Variants in LAMC2 observed in about 807,000 individuals in gnomAD.
The protein encoded by LAMC2 is laminin subunit gamma 2, also known as laminin subunit gamma-2.
LAMC2 carries 97 observed loss-of-function variants against 140.2 expected under a neutral mutation model. The ratio of observed to expected loss-of-function variants is 0.69; its 90% CI spans 0.59 to 0.82. The LOEUF (loss-of-function observed/expected upper bound fraction) is 0.82. Ranked by LOEUF, LAMC2 falls within the 40% of genes least tolerant of loss-of-function variation. The pLI, the probability that LAMC2 is intolerant of heterozygous loss-of-function variation, is 0.00. For synonymous variants in LAMC2, 513 were observed against 540.2 expected, an observed-to-expected ratio of 0.95 and a Z score of 0.70; for missense variants, 1,402 against 1,476.1, an observed-to-expected ratio of 0.95 and a Z score of 0.82.
chr1:183,196,959 TA>T (rs1658538946), intron 1 of LAMC2, among the ~76,000 whole-genome samples: 1 of 152,166 alleles, frequency 6.6e-6, no homozygotes, highest in African/African-American at 2.4e-5. Flanking sequence ...GAAAAGTAGA[TA>T]GGGTAAGACC....
the LAMC2 span, among the ~76,000 whole-genome samples, chr1:183,257,639 T>C: frequency 6.6e-6 from 1 of 152,228 alleles, no homozygotes; most frequent in Admixed American, 6.5e-5. Context: ...CCCTCTAGGT[T>C]ACCAAATTTG....
Position 183,203,543 on chromosome 1 carries a change from T to G in LAMC2, c.80-4338T>G, listed in dbSNP as rs572962566. On this transcript the variant is annotated intron_variant, in intron 1 of 22. Coordinates refer to ENST00000264144, the MANE Select transcript of LAMC2 (RefSeq NM_005562.3). Reference sequence around the variant, plus strand: ...TGGTTTTAGGGAAGTTAGTCTCAATTTGGGAGATGGTTTGAGAGAGACCAT... The same window carrying G: ...TGGTTTTAGGGAAGTTAGTCTCAATGTGGGAGATGGTTTGAGAGAGACCAT... 3.3e-5 allele frequency among the ~76,000 whole-genome samples: 5 copies of G among 150,364 alleles called. No individual in the cohort carries two copies. In the East Asian group the frequency reaches 9.9e-4, roughly 30 times the overall value.
chr1:183,227,374 G>A (rs1452677172), intron 9 of LAMC2, 141 bp from the exon 10 acceptor site: 3 of 829,738 alleles, frequency 3.6e-6, no homozygotes, highest in Non-Finnish European at 6.3e-6. Context: ...CTATGGGAGG[G>A]GTGAATGCCA....
Position 183,222,228 on chromosome 1 carries a change from G to T in LAMC2, c.763+17G>T. On this transcript the variant is annotated intron_variant, in intron 6 of 22. Coordinates refer to ENST00000264144, the MANE Select transcript of LAMC2 (RefSeq NM_005562.3). ...TGGCTCCTGGTATGTGAGGAATAAT[G>T]TCTCCTATAGAGGCCAGCTTATAGG... The T allele has an allele frequency of 6.2e-7, 1 of 1,613,458 alleles. No homozygotes were observed. Among genetic ancestry groups the T allele is most frequent in the Non-Finnish European group, 8.5e-7 (1 of 1,179,404 alleles).
At chr1:183,237,765 A>C (rs776663241) in intron 18 of LAMC2, among the ~76,000 whole-genome samples, 1 of 152,182 alleles carries the variant, frequency 6.6e-6, no homozygotes, top group Non-Finnish European at 1.5e-5. Context: ...ACGTGCCTAT[A>C]GTCCTAGCTA....
At chr1:183,234,559 T>G (rs1659896134) in intron 15 of LAMC2, 113 bp downstream of exon 15, 1 of 863,718 alleles carries the variant, frequency 1.2e-6, no homozygotes, top group Non-Finnish European at 1.9e-6. Context: ...TCCAGGCTCC[T>G]TTGCAGCCAT....
chr1:183,229,409 G>A (rs952443677), intron 11 of LAMC2, among the ~76,000 whole-genome samples: 2 of 152,014 alleles, frequency 1.3e-5, no homozygotes, highest in Admixed American at 1.3e-4. Flanking sequence ...AGCTGAGGTG[G>A]GTGGATCACC....
At chr1:183,222,420 C>A (rs1179937374) in intron 6 of LAMC2, among the ~76,000 whole-genome samples, 3 of 151,970 alleles carry the variant, frequency 2.0e-5, no homozygotes, top group Non-Finnish European at 4.4e-5. Flanking sequence ...ATGTGGTGTC[C>A]CAGAGGTCAG....
At position 183,226,758 on chromosome 1, in the gene LAMC2, C is replaced by A. The variant is rs1037787712; in HGVS notation, c.1127C>A (p.Ala376Glu). Residue 376 changes from alanine to glutamate, a missense_variant, in exon 9 of 23, where the codon GCA becomes GAA. By Grantham distance (107) the Ala-to-Glu change is moderately radical. Coordinates refer to ENST00000264144, the MANE Select transcript of LAMC2 (RefSeq NM_005562.3). ...GCCCGCCCTGTCTCTGGAGCCCCAG[C>A]ACCCTGGGTTGAACAGTGTATATGT... ...ISARPVSGAP[A>E]PWVEQCICPV... 1.2e-6 allele frequency: 2 copies of A among 1,614,124 alleles called. No individual in the cohort carries two copies. Among genetic ancestry groups the A allele is most frequent in the African/African-American group, 1.3e-5 (1 of 74,948 alleles).
intron 1 of LAMC2, among the ~76,000 whole-genome samples, chr1:183,204,757 T>C (rs1489357565): frequency 1.3e-5 from 2 of 152,204 alleles, no homozygotes. Context: ...TTGAAAAGAT[T>C]GCTCTGAATA....
Position 183,207,893 on chromosome 1 carries a change from A to G in LAMC2, c.92A>G (p.Asn31Ser), listed in dbSNP as rs868277253. ...GCTTCCTCCCCAGTCTGTGATTGCAATGGGAAGTCCAGGCAGTGTATCTTT... is the reference window on the plus strand; with the variant it reads ...GCTTCCTCCCCAGTCTGTGATTGCAGTGGGAAGTCCAGGCAGTGTATCTTT... ...ATSRREVCDC[N>S]GKSRQCIFDR... Residue 31 changes from asparagine (N) to serine (S), a missense_variant, in exon 2 of 23, where the codon AAT becomes AGT. Asn to Ser is a conservative substitution (Grantham distance 46). This residue lies in a region of LAMC2 where 723 missense variants were observed against 783.3 expected (regional missense o/e 0.92). Transcript: ENST00000264144. 6 of 1,610,022 alleles carry G rather than the reference A, an allele frequency of 3.7e-6. No homozygotes were observed. In the African/African-American group the frequency reaches 6.8e-5, roughly 18 times the overall value.
intron 1 of LAMC2, among the ~76,000 whole-genome samples, chr1:183,193,899 TA>T (rs2102169334): frequency 6.6e-6 from 1 of 151,254 alleles, no homozygotes; most frequent in African/African-American, 2.4e-5. Flanking sequence ...GTTTGGCTCA[TA>T]AGAGCTCATT....
intron 9 of LAMC2, among the ~76,000 whole-genome samples, chr1:183,227,140 G>A (rs574802791): frequency 1.6e-4 from 24 of 152,316 alleles, no homozygotes; most frequent in Non-Finnish European, 2.5e-4. Flanking sequence ...GGAAATGGTC[G>A]TCATGGTTCA....
At chr1:183,242,121 C>A (rs1162737126) in intron 22 of LAMC2, among the ~76,000 whole-genome samples, 2 of 152,204 alleles carry the variant, frequency 1.3e-5, no homozygotes, top group Non-Finnish European at 2.9e-5. Context: ...AAACTGATAT[C>A]TTTTTGCCTC....
intron 1 of LAMC2, among the ~76,000 whole-genome samples, chr1:183,200,408 A>T (rs1658670380): frequency 6.6e-6 from 1 of 152,014 alleles, no homozygotes; most frequent in Non-Finnish European, 1.5e-5. Context: ...AAAGAACATT[A>T]GAAAGAGGAC....
chr1:183,206,317 C>T (rs902315824), intron 1 of LAMC2, among the ~76,000 whole-genome samples: 1 of 152,146 alleles, frequency 6.6e-6, no homozygotes, highest in African/African-American at 2.4e-5. Flanking sequence ...ATAGAAATTA[C>T]TGTAAGGCAG....
intron 1 of LAMC2, among the ~76,000 whole-genome samples, chr1:183,186,711 C>A (rs1455824263): frequency 1.3e-5 from 2 of 151,970 alleles, no homozygotes; most frequent in Non-Finnish European, 2.9e-5. Flanking sequence ...CTTTTTTCGA[C>A]CAAGGGGCCG....
At chr1:183,213,773 A>G (rs1265181248) in intron 2 of LAMC2, among the ~76,000 whole-genome samples, 7 of 141,244 alleles carry the variant, frequency 5.0e-5, no homozygotes, top group Non-Finnish European at 7.5e-5. Flanking sequence ...AAAAAAAGAT[A>G]TACAGATCAT....
At chr1:183,191,297 C>T (rs1443576762) in intron 1 of LAMC2, among the ~76,000 whole-genome samples, 1 of 152,058 alleles carries the variant, frequency 6.6e-6, no homozygotes, top group East Asian at 1.9e-4. Flanking sequence ...TGGAAATTCC[C>T]ATATGGGCTT....
Sources: allele counts gnomAD v4.1 joint callset (sites outside exome capture counted in the v4.1 genomes callset), GRCh38; gene constraint gnomAD v4.1.1; regional missense constraint gnomAD v4.1.1; transcripts MANE v1.5; gene names NCBI Gene and HGNC (gene_info 2026-07-23, HGNC 2026-07-21).